The following SPAG9 variants were observed in gnomAD, a reference collection of about 807,000 sequenced individuals.
SPAG9 encodes C-Jun-amino-terminal kinase-interacting protein 4.
In SPAG9, 35 loss-of-function variants were observed where a neutral mutation model predicts 166.5. The ratio of observed to expected loss-of-function variants is 0.21; its 90% CI spans 0.16 to 0.28. SPAG9 has a LOEUF of 0.28. Among genes scored for constraint, SPAG9 ranks in the 10% least tolerant of loss-of-function variants. The pLI is 1.00. For synonymous variants in SPAG9, 534 were observed against 565.5 expected (o/e 0.94, Z 0.79); for missense variants, 1,235 against 1,603.3 (o/e 0.77, Z 3.92).
Position 51,101,545 on chromosome 17 carries a change from A to G in SPAG9, c.303+18809T>C, listed in dbSNP as rs1281125929. ...AAAATGTGGCTAGGCTAGAACAGGT[A>G]ACTGAAAGAAAATTCAAAATTGAGG... On this transcript the variant is annotated intron_variant, in intron 1 of 29. Transcript: ENST00000262013. Among the ~76,000 whole-genome samples the G allele has an allele frequency of 2.0e-5, 3 of 152,126 alleles. No homozygotes were observed. In the East Asian group the frequency reaches 5.8e-4, roughly 29 times the overall value.
intron 9 of SPAG9, among the ~76,000 whole-genome samples, chr17:51,013,551 C>T (rs915182205): frequency 6.6e-6 from 1 of 152,192 alleles, no homozygotes; most frequent in African/African-American, 2.4e-5. Flanking sequence ...AAGGGGTCAG[C>T]TGGATTTGGC....
intron 2 of SPAG9, among the ~76,000 whole-genome samples, chr17:51,074,292 G>A (rs959501101): frequency 6.6e-6 from 1 of 152,102 alleles, no homozygotes; most frequent in Non-Finnish European, 1.5e-5. Flanking sequence ...AAGCATGGTG[G>A]TGCACGCCTG....
At chr17:51,046,512 G>C (rs1157232441) in intron 4 of SPAG9, 4 of 1,535,546 alleles carry the variant, frequency 2.6e-6, no homozygotes, top group Non-Finnish European at 3.5e-6. Context: ...GAGTATCCTT[G>C]GTAGGTTCTG....
chr17:51,089,334 G>A (rs2048385369), intron 1 of SPAG9, among the ~76,000 whole-genome samples: 1 of 151,822 alleles, frequency 6.6e-6, no homozygotes. Context: ...TGAGGCAGGA[G>A]AATCACTTGA....
intron 8 of SPAG9, among the ~76,000 whole-genome samples, chr17:51,017,370 G>T (rs547879534): frequency 5.3e-4 from 81 of 152,148 alleles, no homozygotes; most frequent in Non-Finnish European, 9.4e-4. Flanking sequence ...AAGACAAACA[G>T]CATAAGAGAG....
At position 51,036,779 on chromosome 17, in the gene SPAG9, C is replaced by T. The variant is rs184960254; in HGVS notation, c.741+4722G>A. 5.4e-4 allele frequency among the ~76,000 whole-genome samples: 82 copies of T among 152,226 alleles called. 1 individual carries two copies. The Middle Eastern group carries it at 0.014, about 25-fold the overall frequency. On this transcript the variant is annotated intron_variant, in intron 5 of 29. Transcript: ENST00000262013. ...ACTTTGCTTAGGTTATGATAACAAC[C>T]CCACCCCTGCTCCTAAGCACCATGG... is the stretch of plus-strand genomic sequence containing the variant.
chr17:51,012,910 C>T (rs1456456977), intron 9 of SPAG9, among the ~76,000 whole-genome samples: 3 of 151,678 alleles, frequency 2.0e-5, no homozygotes, highest in Admixed American at 6.6e-5. Flanking sequence ...CCATGCCTGG[C>T]TAATTTTGAT....
chr17:51,002,751 T>C (rs1435651394), intron 12 of SPAG9, among the ~76,000 whole-genome samples: 3 of 151,586 alleles, frequency 2.0e-5, no homozygotes, highest in African/African-American at 7.3e-5. Context: ...AGTGCAATCC[T>C]GTCTTTAAAA....
chr17:51,090,618 T>C (rs964714859), intron 1 of SPAG9, among the ~76,000 whole-genome samples: 1 of 152,210 alleles, frequency 6.6e-6, no homozygotes, highest in Non-Finnish European at 1.5e-5. Context: ...CCCTATGTTC[T>C]ATTGATTGAA....
chr17:51,060,458 G>T (rs1568050665), intron 2 of SPAG9, among the ~76,000 whole-genome samples: 2 of 146,604 alleles, frequency 1.4e-5, no homozygotes, highest in Admixed American at 7.1e-5. Flanking sequence ...AGCTGAGACT[G>T]TACCACTGCA....
At chr17:51,023,401 G>A in intron 6 of SPAG9, 1 of 255,154 alleles carries the variant, frequency 3.9e-6, no homozygotes, top group Non-Finnish European at 8.0e-6. Flanking sequence ...AGCTATTGAT[G>A]CTGAAGTGGT....
intron 1 of SPAG9, among the ~76,000 whole-genome samples, chr17:51,095,894 TAC>T (rs1341399679): frequency 3.5e-5 from 5 of 144,000 alleles, no homozygotes; most frequent in African/African-American, 2.6e-5. Flanking sequence ...TAGTGATATA[TAC>T]AGTGATATAT....
intron 1 of SPAG9, among the ~76,000 whole-genome samples, chr17:51,102,756 G>A (rs988675750): frequency 6.6e-6 from 1 of 151,860 alleles, no homozygotes; most frequent in Non-Finnish European, 1.5e-5. Context: ...TGCCCAACTC[G>A]GCCTCCCAAA....
rs1424380249 is a variant in SPAG9, at chr17:51,077,040, A to AGC, written c.424+2543_424+2544insGC. Among the ~76,000 whole-genome samples, 32 of 108,854 alleles carry AGC rather than the reference A, an allele frequency of 2.9e-4. 1 individual carries two copies. Among genetic ancestry groups the AGC allele is most frequent in the African/African-American group, 6.7e-4 (22 of 32,762 alleles). The allele number at this position is 108,854 out of a possible 152,430, so 71.4% of individuals were successfully genotyped here. ...TAGCTATCTAGCTATCTATCTAGCT[A>AGC]TCTAGCTATCTAGCTAGCTATCTAG... is the stretch of plus-strand genomic sequence containing the variant. On this transcript the variant is annotated intron_variant, in intron 2 of 29. Transcript: ENST00000262013.
At position 50,998,368 on chromosome 17, in the gene SPAG9, A is replaced by T. The variant is rs966593035; in HGVS notation, c.1838+76T>A. ...TTTATAGATTTACCTGAATCCTTAG[A>T]GCTGATAAGAGGCCAAGAATATTCT... On this transcript the variant is annotated intron_variant, in intron 15 of 29. Coordinates refer to ENST00000262013, the MANE Select transcript of SPAG9 (RefSeq NM_001130528.3). 6 of 1,315,420 alleles carry T rather than the reference A, an allele frequency of 4.6e-6. No individual in the cohort carries two copies. The African/African-American group carries it at 7.4e-5, about 16-fold the overall frequency. 81.5% of individuals were successfully genotyped at this position (1,315,420 alleles called of 1,614,324 possible).
At chr17:51,033,573 C>T (rs918467237) in intron 5 of SPAG9, among the ~76,000 whole-genome samples, 3 of 152,148 alleles carry the variant, frequency 2.0e-5, no homozygotes, top group African/African-American at 4.8e-5. Flanking sequence ...GCTGAAGTGC[C>T]GTGGCTATTC....
intron 3 of SPAG9, among the ~76,000 whole-genome samples, chr17:51,054,398 C>T (rs2047299927): frequency 6.6e-6 from 1 of 151,036 alleles, no homozygotes; most frequent in African/African-American, 2.4e-5. Flanking sequence ...GCTAGGATTA[C>T]AGGCATGAGC....
At chr17:51,017,709 T>C (rs751575088) in intron 8 of SPAG9, among the ~76,000 whole-genome samples, 34 of 152,216 alleles carry the variant, frequency 2.2e-4, no homozygotes, top group Admixed American at 3.9e-4. Flanking sequence ...TATAAAATCA[T>C]GATGAAAACA....
rs895941445 is a variant in SPAG9 at position 51,046,786 on chromosome 17, T to C, written c.590+589A>G. ...CAAAAACAATGCCATCAGCAGCAGC[T>C]TTCCACTCCATCCTGCAGCAGCTCC... On this transcript the variant is annotated intron_variant, in intron 4 of 29. Transcript: ENST00000262013. The C allele has an allele frequency of 1.4e-5, 21 of 1,534,490 alleles. No homozygotes were observed. The African/African-American group carries it at 2.9e-4, about 21-fold the overall frequency.
Sources: allele counts gnomAD v4.1 joint callset (sites outside exome capture counted in the v4.1 genomes callset), GRCh38; gene constraint gnomAD v4.1.1; transcripts MANE v1.5; gene names NCBI Gene and HGNC (gene_info 2026-07-23, HGNC 2026-07-21).